Variants in TRAK1 observed in about 807,000 individuals in gnomAD.
TRAK1 encodes trafficking kinesin protein 1, also known as trafficking kinesin-binding protein 1.
A neutral mutation model predicts 92.1 loss-of-function variants in TRAK1; 33 were observed. That is an observed-to-expected ratio of 0.36 (90% CI 0.27 to 0.48). The LOEUF (loss-of-function observed/expected upper bound fraction) is 0.48. Ranked by LOEUF, TRAK1 falls within the 20% of genes least tolerant of loss-of-function variation. TRAK1 has a pLI of 0.99. For missense variants in TRAK1, 1,123 were observed against 1,257.9 expected, an observed-to-expected ratio of 0.89 and a Z score of 1.62; for synonymous variants, 521 against 517.3, an observed-to-expected ratio of 1.01 and a Z score of -0.10.
intron 2 of TRAK1, among the ~76,000 whole-genome samples, chr3:42,165,229 T>C (rs1442248674): frequency 6.6e-6 from 1 of 152,066 alleles, no homozygotes; most frequent in Non-Finnish European, 1.5e-5. Flanking sequence ...CATTCCACTT[T>C]CCTTAGGGGT....
chr3:42,099,762 G>A (rs1488703119), intron 1 of TRAK1, among the ~76,000 whole-genome samples: 1 of 152,172 alleles, frequency 6.6e-6, no homozygotes, highest in Non-Finnish European at 1.5e-5. Flanking sequence ...CATTCAGGTT[G>A]TCATACCTTC....
At chr3:42,162,298 ATATAT>A (rs1192564836) in intron 2 of TRAK1, among the ~76,000 whole-genome samples, 2 of 151,296 alleles carry the variant, frequency 1.3e-5, no homozygotes, top group Admixed American at 6.6e-5. Context: ...ACATATAAAT[ATATAT>A]TATATATAAA....
chr3:42,223,523 C>T lies in TRAK1; in HGVS notation c.2648C>T (p.Ala883Val), dbSNP rs1376361794. Residue 883 changes from alanine to valine, a missense_variant, in exon 16 of 16, where the codon GCC (alanine) becomes GTC (valine). Physicochemically the swap from Ala to Val is moderately conservative, Grantham distance 64. Transcript: ENST00000327628. This position sits in a 1 kb window ranked among gnomAD's most constrained non-coding sequence, Gnocchi z 6.1. Reference sequence around the variant, plus strand: ...TGTGGGCCCCCGGGGCCAGCACCAGCCCTTGTTCCCAGAGGCCTGGTACCT... The same window carrying T: ...TGTGGGCCCCCGGGGCCAGCACCAGTCCTTGTTCCCAGAGGCCTGGTACCT... The part of the protein sequence containing the change: ...LLCGPPGPAP[A>V]LVPRGLVPEG... The T allele has an allele frequency of 6.2e-7, 1 of 1,613,796 alleles. No homozygotes were observed. The highest frequency in any genetic ancestry group is 8.5e-7 in the Non-Finnish European group (1 of 1,179,952).
At chr3:42,184,113 C>G (rs1704447284) in intron 3 of TRAK1, among the ~76,000 whole-genome samples, 1 of 152,126 alleles carries the variant, frequency 6.6e-6, no homozygotes, top group African/African-American at 2.4e-5. Context: ...AACAGAAAAG[C>G]ATGTAATTGT....
intron 1 of TRAK1, among the ~76,000 whole-genome samples, chr3:42,116,833 T>C (rs531112382): frequency 3.9e-5 from 6 of 152,142 alleles, no homozygotes; most frequent in Non-Finnish European, 8.8e-5. Context: ...ATAAAAAAGA[T>C]GGACCTCTGT....
At chr3:42,099,393 C>T (rs1706410121) in intron 1 of TRAK1, among the ~76,000 whole-genome samples, 1 of 152,130 alleles carries the variant, frequency 6.6e-6, no homozygotes, top group Non-Finnish European at 1.5e-5. Context: ...GATGCTGGCA[C>T]CAACTCCAGA....
At chr3:42,120,065 A>G (rs1041184875) in intron 1 of TRAK1, among the ~76,000 whole-genome samples, 2 of 152,148 alleles carry the variant, frequency 1.3e-5, no homozygotes, top group Non-Finnish European at 2.9e-5. Flanking sequence ...AAAATAAATA[A>G]ATAAAAAGCT....
At chr3:42,035,922 CTGTTCTGGCAGCTCCAGCT>C in intron 1 of TRAK1, among the ~76,000 whole-genome samples, 1 of 152,258 alleles carries the variant, frequency 6.6e-6, no homozygotes, top group East Asian at 1.9e-4. Flanking sequence ...TCTGCACAGC[CTGTTCTGGCAGCTCCAGCT>C]TGTGCTGGCA....
rs55748650 is a variant in TRAK1, at chr3:42,140,353, G to A, written c.286+14739G>A. 4.4e-3 allele frequency among the ~76,000 whole-genome samples: 672 copies of A among 152,296 alleles called. 5 individuals carry two copies. Among genetic ancestry groups the A allele is most frequent in the African/African-American group, 0.016 (650 of 41,582 alleles). ...ATTTTAAAAAATAAAGATCAGGCTG[G>A]GCGCAGTGGCTCATGCCTGTAATCC... On this transcript the variant is annotated intron_variant, in intron 2 of 15. Coordinates refer to ENST00000327628, the MANE Select transcript of TRAK1 (RefSeq NM_001042646.3).
At chr3:42,053,585 C>T (rs574755023) in intron 1 of TRAK1, among the ~76,000 whole-genome samples, 129 of 152,090 alleles carry the variant, frequency 8.5e-4, no homozygotes, top group Non-Finnish European at 1.3e-3. Flanking sequence ...TGCCTCCTCA[C>T]CCCGCCCCCA....
chr3:42,118,917 T>C (rs1276458277), intron 1 of TRAK1, among the ~76,000 whole-genome samples: 2 of 152,192 alleles, frequency 1.3e-5, no homozygotes, highest in African/African-American at 4.8e-5. Context: ...CCTAGGGTGA[T>C]ACTGAGGTGG....
At chr3:42,130,837 C>T (rs1042123523) in intron 2 of TRAK1, among the ~76,000 whole-genome samples, 3 of 152,170 alleles carry the variant, frequency 2.0e-5, no homozygotes, top group African/African-American at 7.2e-5. Context: ...TCATTGTTCA[C>T]ATGGGGCCCC....
intron 1 of TRAK1, among the ~76,000 whole-genome samples, 200 bp downstream of exon 1, chr3:42,091,760 A>AC (rs572076948): frequency 6.1e-5 from 9 of 148,758 alleles, no homozygotes; most frequent in Non-Finnish European, 1.3e-4. Flanking sequence ...TGCCCTCACC[A>AC]CCCCCCCATC....
At chr3:42,212,192 TC>T (rs1709128443) in intron 14 of TRAK1, 1 of 985,308 alleles carries the variant, frequency 1.0e-6, no homozygotes, top group African/African-American at 1.7e-5. Context: ...CAGATAAGCT[TC>T]ATGGGGAAGG....
intron 1 of TRAK1, among the ~76,000 whole-genome samples, chr3:42,033,994 T>C (rs772756198): frequency 4.6e-5 from 7 of 152,222 alleles, no homozygotes; most frequent in Non-Finnish European, 7.3e-5. Context: ...CCCACTGCCC[T>C]GGTCATAGCC....
At position 42,079,477 on chromosome 3, in the gene TRAK1, CTTTTTTT is replaced by C. The variant is rs748826131; in HGVS notation, c.-518-7617_-518-7611del. Among the ~76,000 whole-genome samples the C allele has an allele frequency of 1.5e-4, 21 of 136,250 alleles. 1 individual carries two copies. Among genetic ancestry groups the C allele is most frequent in the African/African-American group, 4.9e-4 (18 of 36,918 alleles). 89.4% of individuals were successfully genotyped at this position (136,250 alleles called of 152,430 possible). A position where few individuals can be genotyped will look rare whatever the true frequency, so the allele number is the denominator to read the frequency against. The stretch of plus-strand genomic sequence containing the variant: ...TTTGTCGTGAAGGAAGCTCCTTCTT[CTTTTTTT>C]TTTTTTTTTGTTTTGAGATAGAGTC... On this transcript the variant is annotated intron_variant, in intron 1 of 16. Coordinates refer to the TRAK1 transcript ENST00000487159.
intron 1 of TRAK1, among the ~76,000 whole-genome samples, chr3:42,118,383 C>T (rs543564697): frequency 6.6e-6 from 1 of 152,304 alleles, no homozygotes; most frequent in South Asian, 2.1e-4. Context: ...TGAGCCACTG[C>T]GCCCCGCTGA....
intron 2 of TRAK1, among the ~76,000 whole-genome samples, chr3:42,132,167 T>G (rs1299927857): frequency 1.3e-5 from 2 of 152,128 alleles, no homozygotes; most frequent in Non-Finnish European, 2.9e-5. Context: ...GCATAGTATT[T>G]GCATTTAACC....
intron 13 of TRAK1, among the ~76,000 whole-genome samples, chr3:42,205,339 T>C (rs754117800): frequency 2.0e-5 from 3 of 152,128 alleles, no homozygotes; most frequent in African/African-American, 7.2e-5. Flanking sequence ...TAAATGTACC[T>C]GGGGTGAGGT....
Sources: gnomAD v4.1 joint callset for allele counts (sites outside exome capture counted in the v4.1 genomes callset) on GRCh38, gnomAD v4.1.1 for gene constraint, Gnocchi (gnomAD v3.1) non-coding constraint, MANE v1.5 for transcripts, NCBI Gene and HGNC (gene_info 2026-07-23, HGNC 2026-07-21) for gene names.